The following ATOSA variants were observed in gnomAD, a reference collection of about 807,000 sequenced individuals.
The protein encoded by ATOSA is atos homolog protein A.
the ATOSA span, among the ~76,000 whole-genome samples, chr15:52,687,728 GT>G: frequency 2.6e-5 from 4 of 151,516 alleles, no homozygotes; most frequent in Admixed American, 6.6e-5. Flanking sequence ...TTAGAGAGAG[GT>G]TTTTTTTTGT....
chr15:52,701,508 T>C, the ATOSA span, among the ~76,000 whole-genome samples: 8 of 152,206 alleles, frequency 5.3e-5, no homozygotes, highest in African/African-American at 1.9e-4. Context: ...CTTTTGAGAT[T>C]TCAGTACAAC....
chr15:52,705,872 T>C, the ATOSA span, among the ~76,000 whole-genome samples: 2 of 152,256 alleles, frequency 1.3e-5, no homozygotes, highest in African/African-American at 2.4e-5. Context: ...TGATTCTTTT[T>C]ACTCTATATT....
the ATOSA span, among the ~76,000 whole-genome samples, chr15:52,701,227 C>G: frequency 6.6e-6 from 1 of 152,192 alleles, no homozygotes; most frequent in South Asian, 2.1e-4. Context: ...GCCTTGTAAT[C>G]CAAGCACTTC....
the ATOSA span, among the ~76,000 whole-genome samples, chr15:52,680,836 T>C: frequency 1.3e-5 from 2 of 152,150 alleles, no homozygotes; most frequent in Admixed American, 1.3e-4. Context: ...GAATACTGTA[T>C]TATGTAGTTT....
chr15:52,611,595 G>T, the ATOSA span: 1 of 1,614,022 alleles, frequency 6.2e-7, no homozygotes, highest in Non-Finnish European at 8.5e-7. Flanking sequence ...CTGGCTCCAA[G>T]ATCCATCTTT....
At chr15:52,700,001 T>G in the ATOSA span, among the ~76,000 whole-genome samples, 3 of 152,214 alleles carry the variant, frequency 2.0e-5, no homozygotes, top group Admixed American at 6.5e-5. Context: ...AGAATATGTG[T>G]GGGTATGCCA....
At chr15:52,701,440 A>AGT in the ATOSA span, among the ~76,000 whole-genome samples, 1 of 152,252 alleles carries the variant, frequency 6.6e-6, no homozygotes, top group Non-Finnish European at 1.5e-5. Flanking sequence ...CCCTGTCTCC[A>AGT]GTATATATAT....
the ATOSA span, among the ~76,000 whole-genome samples, chr15:52,605,800 T>G: frequency 6.6e-6 from 1 of 152,106 alleles, no homozygotes; most frequent in Non-Finnish European, 1.5e-5. Context: ...GTGAAAAAAC[T>G]ACTATGGTAG....
the ATOSA span, among the ~76,000 whole-genome samples, chr15:52,697,860 G>A: frequency 6.6e-6 from 1 of 151,114 alleles, no homozygotes; most frequent in Non-Finnish European, 1.5e-5. Context: ...ACTCGTCAGG[G>A]GAACACAAAT....
chr15:52,707,983 A>G, the ATOSA span, among the ~76,000 whole-genome samples: 1 of 152,212 alleles, frequency 6.6e-6, no homozygotes, highest in African/African-American at 2.4e-5. Context: ...CATTCCTGTC[A>G]TAGAAACCTT....
the ATOSA span, among the ~76,000 whole-genome samples, chr15:52,707,564 C>T: frequency 6.6e-6 from 1 of 152,066 alleles, no homozygotes; most frequent in Non-Finnish European, 1.5e-5. Flanking sequence ...TGATTCAATC[C>T]TATGTTGGTG....
chr15:52,679,905 G>C, the ATOSA span, among the ~76,000 whole-genome samples: 107 of 149,338 alleles, frequency 7.2e-4, 1 homozygote, highest in East Asian at 0.021. Context: ...TGGAACCCGG[G>C]TTTAATGTGA....
chr15:52,665,921 T>C, the ATOSA span, among the ~76,000 whole-genome samples: 3 of 152,014 alleles, frequency 2.0e-5, no homozygotes, highest in African/African-American at 7.2e-5. Context: ...GACATGAAAA[T>C]ATACAAATTA....
chr15:52,679,811 C>A, the ATOSA span, among the ~76,000 whole-genome samples: 1 of 112,632 alleles, frequency 8.9e-6, no homozygotes, highest in Non-Finnish European at 1.8e-5. Flanking sequence ...CCCCCTCCTT[C>A]CCCCCCTCCT....
chr15:52,650,068 T>C, the ATOSA span, among the ~76,000 whole-genome samples: 2 of 152,170 alleles, frequency 1.3e-5, no homozygotes, highest in Non-Finnish European at 2.9e-5. Flanking sequence ...TAAACAAAAC[T>C]TTGGTTTTTA....
the ATOSA span, among the ~76,000 whole-genome samples, chr15:52,639,394 A>G: frequency 6.6e-6 from 1 of 152,180 alleles, no homozygotes; most frequent in Admixed American, 6.6e-5. Flanking sequence ...CTTGAACAAA[A>G]TTCCCCTGGA....
the ATOSA span, among the ~76,000 whole-genome samples, chr15:52,631,932 A>T: frequency 2.0e-5 from 3 of 152,118 alleles, no homozygotes; most frequent in African/African-American, 7.2e-5. Flanking sequence ...TAGAGACAGG[A>T]GCCTTGCTAT....
the ATOSA span, among the ~76,000 whole-genome samples, chr15:52,592,791 C>T: frequency 6.6e-6 from 1 of 152,208 alleles, no homozygotes; most frequent in African/African-American, 2.4e-5. Flanking sequence ...TGTAACTCCT[C>T]TTAGTTATTT....
the ATOSA span, chr15:52,608,550 A>G: frequency 6.5e-7 from 1 of 1,531,740 alleles, no homozygotes; most frequent in Non-Finnish European, 8.7e-7. Flanking sequence ...TACATTTGAC[A>G]TATTAGATGT....
Sources: gnomAD v4.1 joint callset for allele counts (sites outside exome capture counted in the v4.1 genomes callset) on GRCh38, gnomAD v4.1.1 for gene constraint, MANE v1.5 for transcripts, NCBI Gene and HGNC (gene_info 2026-07-23, HGNC 2026-07-21) for gene names.